Variants in HBS1L observed in about 807,000 individuals in gnomAD.
The protein encoded by HBS1L is HBS1 like translational GTPase, also known as HBS1-like protein.
HBS1L carries 55 observed loss-of-function variants against 88.9 expected under a neutral mutation model. That is an observed-to-expected ratio of 0.62 (90% confidence interval 0.50 to 0.77). HBS1L has a LOEUF of 0.77. Ranked by LOEUF, HBS1L falls within the 30% of genes least tolerant of loss-of-function variation. The pLI, the probability that HBS1L is intolerant of heterozygous loss-of-function variation, is 0.00. For synonymous variants in HBS1L, 267 were observed against 288.5 expected (o/e 0.93, Z 0.76); for missense variants, 741 against 829.3 (o/e 0.89, Z 1.31).
At chr6:135,050,400 C>A (rs965738830) in intron 2 of HBS1L, among the ~76,000 whole-genome samples, 182 bp downstream of exon 2, 7 of 152,124 alleles carry the variant, frequency 4.6e-5, no homozygotes, top group African/African-American at 1.7e-4. Flanking sequence ...ATAATAGAAT[C>A]ACAAATTTAA....
At chr6:134,997,269 T>G in intron 6 of HBS1L, 128 bp downstream of exon 6, 24 of 1,081,572 alleles carry the variant, frequency 2.2e-5, no homozygotes, top group Non-Finnish European at 3.0e-5. Flanking sequence ...GAAAGCATTA[T>G]GAGACTGTGC....
chr6:134,979,759 C>T (rs969100995), intron 13 of HBS1L, among the ~76,000 whole-genome samples: 1 of 152,016 alleles, frequency 6.6e-6, no homozygotes, highest in Non-Finnish European at 1.5e-5. Flanking sequence ...GGGACATGTA[C>T]ACTCAGTCAG....
intron 5 of HBS1L, among the ~76,000 whole-genome samples, chr6:134,999,606 C>T (rs1192501255): frequency 6.6e-6 from 1 of 151,888 alleles, no homozygotes; most frequent in African/African-American, 2.4e-5. Flanking sequence ...GGCCACTACA[C>T]CCGGATAATT....
chr6:134,966,409 G>A lies in HBS1L; in HGVS notation c.1963C>T (p.Leu655=). Reference sequence around the variant, plus strand: ...CCCAGCTCTTTAAAGTCTTTATATAGCTCAAGAGCTATTGGTCTTTGTGTC... The same window carrying A: ...CCCAGCTCTTTAAAGTCTTTATATAACTCAAGAGCTATTGGTCTTTGTGTC... ...LQTQRPIALE[L]YKDFKELGRF... The change falls in exon 17 of 18, where the codon CTA becomes TTA. Residue 655 remains leucine, a synonymous_variant. Coordinates refer to ENST00000367837, the MANE Select transcript of HBS1L (RefSeq NM_006620.4). 6.2e-7 allele frequency: 1 copy of A among 1,611,850 alleles called. No homozygotes were observed. The highest frequency in any genetic ancestry group is 1.1e-5 in the South Asian group (1 of 90,866).
At chr6:134,985,502 A>G in intron 11 of HBS1L, 93 bp from the exon 12 acceptor site, 7 of 717,178 alleles carry the variant, frequency 9.8e-6, no homozygotes, top group Non-Finnish European at 1.4e-5. Flanking sequence ...CTTCTCCTAG[A>G]AAATAACTAC....
intron 1 of HBS1L, among the ~76,000 whole-genome samples, chr6:135,053,792 AT>A (rs1354221836): frequency 1.3e-5 from 2 of 152,202 alleles, no homozygotes; most frequent in Non-Finnish European, 2.9e-5. Context: ...TTTTGTTTAT[AT>A]TTTTAGTTTA....
At chr6:134,979,835 G>A (rs78890069) in intron 13 of HBS1L, among the ~76,000 whole-genome samples, 117 of 152,124 alleles carry the variant, frequency 7.7e-4, no homozygotes, top group African/African-American at 2.7e-3. Context: ...TCTTTCCAGA[G>A]AGAGATCTGC....
At chr6:135,041,165 A>T (rs1023901493) in intron 3 of HBS1L, among the ~76,000 whole-genome samples, 22 of 151,844 alleles carry the variant, frequency 1.4e-4, no homozygotes, top group Admixed American at 6.6e-4. Context: ...AAAGTATTTG[A>T]TACTTCTTTC....
At chr6:134,978,994 A>G (rs1341812371) in intron 14 of HBS1L, among the ~76,000 whole-genome samples, 184 bp downstream of exon 14, 1 of 152,132 alleles carries the variant, frequency 6.6e-6, no homozygotes, top group African/African-American at 2.4e-5. Flanking sequence ...CTCAAAGCAC[A>G]TGCCAAGTAT....
chr6:135,025,959 G>A (rs1015563806), intron 4 of HBS1L, among the ~76,000 whole-genome samples: 2 of 152,162 alleles, frequency 1.3e-5, no homozygotes, highest in Non-Finnish European at 2.9e-5. Flanking sequence ...AATAAAAGCC[G>A]CACTGGAGGT....
intron 4 of HBS1L, among the ~76,000 whole-genome samples, chr6:135,003,235 G>T (rs1775514874): frequency 6.6e-6 from 1 of 152,100 alleles, no homozygotes; most frequent in South Asian, 2.1e-4. Context: ...TTAGCAGATG[G>T]CTAAACTATT....
At chr6:135,008,014 T>G (rs1775661662) in intron 4 of HBS1L, among the ~76,000 whole-genome samples, 1 of 152,204 alleles carries the variant, frequency 6.6e-6, no homozygotes, top group African/African-American at 2.4e-5. Context: ...AAATTTCCAC[T>G]TCCTATAATG....
At chr6:135,000,982 G>A (rs1775438140) in intron 5 of HBS1L, among the ~76,000 whole-genome samples, 1 of 152,104 alleles carries the variant, frequency 6.6e-6, no homozygotes, top group Admixed American at 6.6e-5. Flanking sequence ...GTACAACTTG[G>A]TTGGCCTTGA....
At chr6:135,004,794 A>G (rs190059848) in intron 4 of HBS1L, among the ~76,000 whole-genome samples, 1 of 152,360 alleles carries the variant, frequency 6.6e-6, no homozygotes, top group Admixed American at 6.5e-5. Context: ...TAGGCAGTTG[A>G]ACATGTTGGT....
In HBS1L at chr6:135,039,728, A is replaced by T; in HGVS notation, c.275T>A (p.Leu92His). The T allele has an allele frequency of 3.1e-6, 5 of 1,613,932 alleles. No individual in the cohort carries two copies. Among genetic ancestry groups the T allele is most frequent in the Non-Finnish European group, 4.2e-6 (5 of 1,180,008 alleles). ...YSCLDHMREV[L>H]GDAVPDEILI... ...TATTTCATCTGGCACAGCATCTCCA[A>T]GTACCTCTCTCATGTGATCAAGGCA... The change falls in exon 4 of 18, where the codon CTT becomes CAT. Residue 92 changes from leucine to histidine, a missense_variant. Leu to His is a moderately conservative substitution (Grantham distance 99). Coordinates refer to ENST00000367837, the MANE Select transcript of HBS1L (RefSeq NM_006620.4).
At chr6:135,050,035 AG>A (rs1390655084) in intron 2 of HBS1L, among the ~76,000 whole-genome samples, 2 of 152,278 alleles carry the variant, frequency 1.3e-5, no homozygotes. Context: ...ATGGTGGCAG[AG>A]AAGAAATCTT....
chr6:134,984,909 G>A (rs1437664439), intron 12 of HBS1L, among the ~76,000 whole-genome samples: 2 of 152,014 alleles, frequency 1.3e-5, no homozygotes, highest in African/African-American at 4.8e-5. Flanking sequence ...GACCCAGACT[G>A]TTACAGATGG....
intron 4 of HBS1L, chr6:135,037,374 A>T: frequency 1.9e-6 from 3 of 1,551,352 alleles, no homozygotes; most frequent in South Asian, 2.4e-5. Context: ...TATCATTTTT[A>T]AAAGTGTGAT....
chr6:135,012,032 GA>G (rs796929415), intron 4 of HBS1L, among the ~76,000 whole-genome samples: 30 of 148,364 alleles, frequency 2.0e-4, no homozygotes, highest in Non-Finnish European at 3.3e-4. Context: ...GAGGAAAGGG[GA>G]AAAAAAAAAT....
Sources: gnomAD v4.1 joint callset for allele counts (sites outside exome capture counted in the v4.1 genomes callset) on GRCh38, gnomAD v4.1.1 for gene constraint, MANE v1.5 for transcripts, NCBI Gene and HGNC (gene_info 2026-07-23, HGNC 2026-07-21) for gene names.